ZNF487: variants seen among roughly 807,000 people sequenced by gnomAD.
ZNF487 encodes the protein KRAB domain only 1.
A neutral mutation model predicts 3.0 loss-of-function variants in ZNF487; 4 were observed. The observed-to-expected ratio is 1.35, with a 90% CI of 0.66 to 3.08. The LOEUF (loss-of-function observed/expected upper bound fraction) is 3.08. Among genes scored for constraint, ZNF487 ranks in the 30% most tolerant of loss-of-function variants. The pLI is 0.01. For synonymous variants in ZNF487, 55 were observed against 34.6 expected, an observed-to-expected ratio of 1.59 and a Z score of -2.06; for missense variants, 146 against 98.7, an observed-to-expected ratio of 1.48 and a Z score of -2.03.
At position 43,440,422 on chromosome 10, in the gene ZNF487, C is replaced by T. The variant is rs111588422; in HGVS notation, c.-94+3160C>T. On this transcript the variant is annotated intron_variant, in intron 1 of 3. Coordinates refer to ENST00000437590, the MANE Select transcript of ZNF487 (RefSeq NM_001355444.3). The stretch of plus-strand genomic sequence containing the variant: ...CTATAATCCCAGCACTTTGGGAGTC[C>T]GAAGTGGTAGGATCACCTGAGATCA... 2.6e-5 allele frequency among the ~76,000 whole-genome samples: 4 copies of T among 151,794 alleles called. 1 individual carries two copies. Among genetic ancestry groups the T allele is most frequent in the African/African-American group, 9.6e-5 (4 of 41,482 alleles).
At chr10:43,444,095 C>T (rs932051707) in intron 1 of ZNF487, among the ~76,000 whole-genome samples, 8 of 151,984 alleles carry the variant, frequency 5.3e-5, no homozygotes, top group Non-Finnish European at 5.9e-5. Context: ...CCTCGTGATC[C>T]GCCTGCCTCG....
At chr10:43,456,422 A>G (rs1254416459) in intron 1 of ZNF487, among the ~76,000 whole-genome samples, 1 of 152,116 alleles carries the variant, frequency 6.6e-6, no homozygotes, top group Non-Finnish European at 1.5e-5. Flanking sequence ...GTGCTCCACA[A>G]GCCACCCCAG....
At chr10:43,455,751 C>G (rs926297836) in intron 1 of ZNF487, among the ~76,000 whole-genome samples, 1 of 152,246 alleles carries the variant, frequency 6.6e-6, no homozygotes, top group Non-Finnish European at 1.5e-5. Context: ...CGCCGGAGGG[C>G]GGGGCCGCGG....
chr10:43,437,149 C>G lies in ZNF487; in HGVS notation c.-207C>G, dbSNP rs999743815. ...GCAGTTTCCATGGTGAGATGGTCAA[C>G]AAGCCTGTAAGTTCCTCAGCTACGA... On this transcript the variant is annotated 5_prime_UTR_variant, in exon 1 of 4. Coordinates refer to ENST00000437590, the MANE Select transcript of ZNF487 (RefSeq NM_001355444.3). 3 of 290,568 alleles carry G rather than the reference C, an allele frequency of 1.0e-5. No individual in the cohort carries two copies. Among genetic ancestry groups the G allele is most frequent in the Non-Finnish European group, 2.0e-5 (3 of 147,922 alleles). 18.0% of individuals were successfully genotyped at this position (290,568 alleles called of 1,614,324 possible).
Position 43,481,906 on chromosome 10 carries a change from C to A in ZNF487, c.608C>A (p.Ser203Ter). The A allele has an allele frequency of 1.5e-6, 1 of 672,034 alleles. No homozygotes were observed. Among genetic ancestry groups the A allele is most frequent in the South Asian group, 1.6e-5 (1 of 63,038 alleles). 41.6% of individuals were successfully genotyped at this position (672,034 alleles called of 1,614,324 possible). A position where few individuals can be genotyped will look rare whatever the true frequency, so the allele number is the denominator to read the frequency against. ...TGCAGTACCCATAAGAGAGTGTGCTCATGGGAGACCCTGTGAATATAATGA... is the reference window on the plus strand; with the variant it reads ...TGCAGTACCCATAAGAGAGTGTGCTAATGGGAGACCCTGTGAATATAATGA... Reference protein sequence around the residue: ...AACSTHKRVCSWETL With the variant: ...AACSTHKRVC The change falls in exon 4 of 4, where the codon TCA becomes TAA. Residue 203 changes from serine to a stop codon, truncating the protein, a stop_gained. Coordinates refer to ENST00000437590, the MANE Select transcript of ZNF487 (RefSeq NM_001355444.3). LOFTEE classifies it high-confidence loss of function.
At chr10:43,500,628 A>G in the ZNF487 span, among the ~76,000 whole-genome samples, 2 of 151,554 alleles carry the variant, frequency 1.3e-5, no homozygotes, top group Admixed American at 6.6e-5. Context: ...CAGCCTCCTG[A>G]GTAGCTGGGA....
chr10:43,445,767 GT>G (rs1839774295), intron 1 of ZNF487, among the ~76,000 whole-genome samples: 1 of 152,020 alleles, frequency 6.6e-6, no homozygotes, highest in Non-Finnish European at 1.5e-5. Context: ...GAGGAGAGAA[GT>G]TCAGCAGATA....
chr10:43,457,632 G>A (rs1380636197), intron 1 of ZNF487, among the ~76,000 whole-genome samples: 8 of 151,310 alleles, frequency 5.3e-5, no homozygotes, highest in Non-Finnish European at 1.0e-4. Context: ...GGAGGTTGCA[G>A]TGAGCCGAGA....
the ZNF487 span, among the ~76,000 whole-genome samples, chr10:43,519,139 C>T: frequency 6.6e-6 from 1 of 151,900 alleles, no homozygotes; most frequent in South Asian, 2.1e-4. Flanking sequence ...TGGTCCTGGA[C>T]TCCTGGGCTC....
At chr10:43,515,234 C>T in the ZNF487 span, among the ~76,000 whole-genome samples, 1 of 152,288 alleles carries the variant, frequency 6.6e-6, no homozygotes, top group Non-Finnish European at 1.5e-5. Context: ...GAGTGTAGTG[C>T]ATACTCTCAA....
intron 1 of ZNF487, among the ~76,000 whole-genome samples, chr10:43,467,543 G>A (rs938314270): frequency 1.3e-5 from 2 of 151,916 alleles, no homozygotes; most frequent in South Asian, 2.1e-4. Flanking sequence ...GTAGCCAGGC[G>A]TTGTGACTCA....
At position 43,482,000 on chromosome 10, in the gene ZNF487, A is replaced by C. The variant is rs1841383089; in HGVS notation, c.*78A>C. On this transcript the variant is annotated 3_prime_UTR_variant, in exon 4 of 4. Coordinates refer to ENST00000437590, the MANE Select transcript of ZNF487 (RefSeq NM_001355444.3). ...CAGAGAACTCACATAAGGAAGAGTCACCATGAATTCAATGAATGTGAGAGG... is the reference window on the plus strand; with the variant it reads ...CAGAGAACTCACATAAGGAAGAGTCCCCATGAATTCAATGAATGTGAGAGG... The C allele has an allele frequency of 3.4e-6, 2 of 591,316 alleles. No individual in the cohort carries two copies. Among genetic ancestry groups the C allele is most frequent in the Non-Finnish European group, 6.0e-6 (2 of 335,912 alleles). The allele number at this position is 591,316 out of a possible 1,614,324, so 36.6% of individuals were successfully genotyped here. A position where few individuals can be genotyped will look rare whatever the true frequency, so the allele number is the denominator to read the frequency against.
chr10:43,484,076 C>T (rs1202115400), downstream of ZNF487, among the ~76,000 whole-genome samples: 7 of 151,742 alleles, frequency 4.6e-5, no homozygotes, highest in African/African-American at 9.7e-5. Context: ...GCCATGTTGG[C>T]GAGGCTGGTC....
chr10:43,439,190 C>T (rs148412921), intron 1 of ZNF487, among the ~76,000 whole-genome samples: 13,669 of 151,848 alleles, frequency 0.09, 774 homozygotes, highest in Non-Finnish European at 0.12. Flanking sequence ...TGCAGTGAGC[C>T]GAGATCACGC....
chr10:43,443,108 G>A (rs1839677262), intron 1 of ZNF487, among the ~76,000 whole-genome samples: 1 of 146,254 alleles, frequency 6.8e-6, no homozygotes, highest in South Asian at 2.1e-4. Context: ...TGTCGCTCAG[G>A]CTGGAGTGCA....
the ZNF487 span, among the ~76,000 whole-genome samples, chr10:43,494,936 C>CAAA: frequency 1.0e-3 from 134 of 132,404 alleles, no homozygotes; most frequent in African/African-American, 3.6e-3. Flanking sequence ...GACTCCATCT[C>CAAA]AAAAAAAAAA....
chr10:43,453,574 A>T (rs1489124770), intron 1 of ZNF487: 1 of 152,126 alleles, frequency 6.6e-6, no homozygotes, highest in Non-Finnish European at 1.5e-5. Flanking sequence ...GTTCTCAGTA[A>T]CCACAACAGT....
chr10:43,493,709 A>AAAAAAAAAAATATATATAT, the ZNF487 span, among the ~76,000 whole-genome samples: 4 of 43,718 alleles, frequency 9.1e-5, no homozygotes, highest in African/African-American at 3.5e-4. Flanking sequence ...AAAAAAAAAA[A>AAAAAAAAAAATATATATAT]ATATATATAT....
chr10:43,516,622 G>T, the ZNF487 span, among the ~76,000 whole-genome samples: 1 of 152,160 alleles, frequency 6.6e-6, no homozygotes, highest in African/African-American at 2.4e-5. Flanking sequence ...ATGTTTGAGG[G>T]CAGGAAGCAT....
Sources: allele counts gnomAD v4.1 joint callset (sites outside exome capture counted in the v4.1 genomes callset), GRCh38; gene constraint gnomAD v4.1.1; transcripts MANE v1.5; gene names NCBI Gene and HGNC (gene_info 2026-07-23, HGNC 2026-07-21).